The following ASAP1 variants were observed in gnomAD, a reference collection of about 807,000 sequenced individuals.
ASAP1 encodes the protein arf-GAP with SH3 domain, ANK repeat and PH domain-containing protein 1.
In ASAP1, 43 loss-of-function variants were observed where a neutral mutation model predicts 145.2. The ratio of observed to expected loss-of-function variants is 0.30; its 90% CI spans 0.23 to 0.38. The LOEUF is 0.38. ASAP1 is among the 10% of genes least tolerant of loss of function. ASAP1 has a pLI of 1.00. For synonymous variants in ASAP1, 546 were observed against 515.5 expected (o/e 1.06, Z -0.80); for missense variants, 1,018 against 1,355.3 (o/e 0.75, Z 3.91).
intron 3 of ASAP1, among the ~76,000 whole-genome samples, chr8:130,299,309 A>T (rs1195953744): frequency 6.6e-6 from 1 of 152,196 alleles, no homozygotes; most frequent in Non-Finnish European, 1.5e-5. Flanking sequence ...TTATGTTTCT[A>T]ATGTTTGGAG....
intron 2 of ASAP1, among the ~76,000 whole-genome samples, chr8:130,400,016 C>T (rs118123858): frequency 6.6e-6 from 1 of 152,078 alleles, no homozygotes. Flanking sequence ...GACAGAGTTT[C>T]TCCATGTTGC....
At position 130,115,613 on chromosome 8, in the gene ASAP1, A is replaced by G. The variant is rs776201675; in HGVS notation, c.2172+15T>C. The G allele has an allele frequency of 1.1e-5, 18 of 1,595,858 alleles. No individual in the cohort carries two copies. The highest frequency in any genetic ancestry group is 2.2e-5 in the East Asian group (1 of 44,796). ...GGGTAGTTGTTGAGAATTCGAGGAC[A>G]TAATTTACACTCACTTTGTCATCCA... On this transcript the variant is annotated intron_variant, in intron 23 of 29. Transcript: ENST00000518721.
chr8:130,088,152 A>T (rs4733765), intron 25 of ASAP1, among the ~76,000 whole-genome samples: 62,707 of 152,012 alleles, frequency 0.41, 13,769 homozygotes, highest in East Asian at 0.68. Flanking sequence ...TTTTTTGAGA[A>T]GGAGTTTCGC....
At chr8:130,252,072 T>C (rs542178875) in intron 3 of ASAP1, among the ~76,000 whole-genome samples, 38 of 152,202 alleles carry the variant, frequency 2.5e-4, no homozygotes, top group Non-Finnish European at 4.7e-4. Context: ...TAGCAGTGTT[T>C]TATAGAAAGT....
At chr8:130,107,524 ATGTATGTATGT>A (rs2097539358) in intron 24 of ASAP1, among the ~76,000 whole-genome samples, 7 of 36,292 alleles carry the variant, frequency 1.9e-4, no homozygotes, top group African/African-American at 2.8e-4. Flanking sequence ...AAATGTATGT[ATGTATGTATGT>A]ATGTATGTAT....
At chr8:130,359,623 T>G (rs147557666) in intron 2 of ASAP1, among the ~76,000 whole-genome samples, 4,288 of 149,694 alleles carry the variant, frequency 0.029, 80 homozygotes, top group African/African-American at 0.048. Context: ...GCACTGTTTT[T>G]TTTTTTTTTT....
intron 3 of ASAP1, among the ~76,000 whole-genome samples, chr8:130,297,247 T>TC (rs893765803): frequency 6.6e-6 from 1 of 152,052 alleles, no homozygotes; most frequent in Non-Finnish European, 1.5e-5. Context: ...TTAGTTCGTC[T>TC]CCCCCCATGC....
At chr8:130,290,056 A>T (rs972672039) in intron 3 of ASAP1, among the ~76,000 whole-genome samples, 2 of 152,186 alleles carry the variant, frequency 1.3e-5, no homozygotes, top group Non-Finnish European at 2.9e-5. Context: ...ACAGTTGGCA[A>T]CGGCCCGAGA....
At chr8:130,238,457 G>A (rs1818342610) in intron 3 of ASAP1, among the ~76,000 whole-genome samples, 1 of 152,094 alleles carries the variant, frequency 6.6e-6, no homozygotes, top group Non-Finnish European at 1.5e-5. Flanking sequence ...TACAGTCTGA[G>A]TACACGAGAC....
intron 3 of ASAP1, among the ~76,000 whole-genome samples, chr8:130,271,807 G>C (rs1395429259): frequency 6.6e-6 from 1 of 152,048 alleles, no homozygotes; most frequent in East Asian, 1.9e-4. Flanking sequence ...ACTAAATTTA[G>C]ATTATCATTC....
intron 24 of ASAP1, among the ~76,000 whole-genome samples, chr8:130,093,117 G>A (rs1156537468): frequency 1.3e-5 from 2 of 151,998 alleles, no homozygotes; most frequent in East Asian, 3.9e-4. Context: ...CTAAAAAAAA[G>A]ACTCAACTTT....
intron 4 of ASAP1, among the ~76,000 whole-genome samples, chr8:130,229,673 T>C (rs959090861): frequency 3.3e-5 from 5 of 152,226 alleles, no homozygotes; most frequent in Non-Finnish European, 7.3e-5. Context: ...AAATAAATCA[T>C]TAAAGCAGAG....
At chr8:130,065,143 C>A (rs1327251169) in intron 27 of ASAP1, among the ~76,000 whole-genome samples, 1 of 151,994 alleles carries the variant, frequency 6.6e-6, no homozygotes, top group South Asian at 2.1e-4. Context: ...CCTCCCTAAG[C>A]GCTGGGATTA....
intron 2 of ASAP1, among the ~76,000 whole-genome samples, chr8:130,376,950 C>T (rs1241645581): frequency 7.1e-6 from 1 of 140,848 alleles, no homozygotes; most frequent in Non-Finnish European, 1.5e-5. Flanking sequence ...TCCAGTTTCA[C>T]ATCCAAGTTG....
At chr8:130,281,661 G>T (rs570716617) in intron 3 of ASAP1, among the ~76,000 whole-genome samples, 1 of 152,276 alleles carries the variant, frequency 6.6e-6, no homozygotes, top group Admixed American at 6.5e-5. Flanking sequence ...GGTGATATGT[G>T]GGGAACCCAG....
Position 130,258,896 on chromosome 8 carries a change from T to C in ASAP1, c.187-21902A>G, listed in dbSNP as rs149530995. On this transcript the variant is annotated intron_variant, in intron 3 of 29. Transcript: ENST00000518721. ...GTCCTTGTTTCGATTCCCATGTTTC[T>C]TATGCCTTCCCTACTCCTCTCCTCC... Among the ~76,000 whole-genome samples, 535 of 152,320 alleles carry C rather than the reference T, an allele frequency of 3.5e-3. 1 individual carries two copies. The highest frequency in any genetic ancestry group is 0.012 in the African/African-American group (515 of 41,562).
intron 4 of ASAP1, among the ~76,000 whole-genome samples, chr8:130,223,475 C>T (rs1443884950): frequency 6.6e-6 from 1 of 152,138 alleles, no homozygotes; most frequent in East Asian, 1.9e-4. Flanking sequence ...AGTTCTGATG[C>T]TAATGGATGC....
At chr8:130,158,744 ATT>A (rs879935055) in intron 12 of ASAP1, among the ~76,000 whole-genome samples, 2 of 144,608 alleles carry the variant, frequency 1.4e-5, no homozygotes, top group African/African-American at 2.5e-5. Flanking sequence ...ATGCTTTATG[ATT>A]TTTTTTTTTT....
intron 3 of ASAP1, among the ~76,000 whole-genome samples, chr8:130,267,897 A>T (rs1274780325): frequency 2.0e-5 from 3 of 152,208 alleles, no homozygotes; most frequent in Non-Finnish European, 4.4e-5. Flanking sequence ...CTGAAAAAGT[A>T]GTCTTTCCTA....
Sources: allele counts gnomAD v4.1 joint callset (sites outside exome capture counted in the v4.1 genomes callset), GRCh38; gene constraint gnomAD v4.1.1; transcripts MANE v1.5; gene names NCBI Gene and HGNC (gene_info 2026-07-23, HGNC 2026-07-21).